Variants in DLG2 observed in about 807,000 individuals in gnomAD.
DLG2 encodes the protein discs large MAGUK scaffold protein 2.
In DLG2, 45 loss-of-function variants were observed where a neutral mutation model predicts 132.5. The ratio of observed to expected loss-of-function variants is 0.34; its 90% CI spans 0.27 to 0.44. The LOEUF (loss-of-function observed/expected upper bound fraction) is 0.44, where lower values mean the gene tolerates loss of function less well. Among genes scored for constraint, DLG2 ranks in the 20% least tolerant of loss-of-function variants. The pLI is 1.00. For synonymous variants in DLG2, 424 were observed against 419.6 expected (o/e 1.01, Z -0.13); for missense variants, 1,045 against 1,196.9 (o/e 0.87, Z 1.87).
intron 15 of DLG2, among the ~76,000 whole-genome samples, chr11:83,884,578 C>T (rs1027667168): frequency 2.0e-5 from 3 of 152,322 alleles, no homozygotes; most frequent in African/African-American, 7.2e-5. Context: ...TGTCGGACAG[C>T]TTTGAAGAGA....
At chr11:84,513,147 AAAT>A (rs146214164) in intron 7 of DLG2, among the ~76,000 whole-genome samples, 12,324 of 152,072 alleles carry the variant, frequency 0.081, 513 homozygotes, top group South Asian at 0.13. Flanking sequence ...ACTTAAAGTA[AAAT>A]AATAATAAAA....
chr11:84,549,881 G>A (rs1268810555), intron 6 of DLG2, among the ~76,000 whole-genome samples: 1 of 152,018 alleles, frequency 6.6e-6, no homozygotes, highest in Non-Finnish European at 1.5e-5. Flanking sequence ...AGACTCCTAA[G>A]TAGCTGAGAT....
intron 15 of DLG2, among the ~76,000 whole-genome samples, chr11:83,912,307 A>AGAT (rs1233746652): frequency 1.3e-5 from 2 of 152,140 alleles, no homozygotes; most frequent in Non-Finnish European, 2.9e-5. Context: ...GTTATCTTTA[A>AGAT]GATGTCTTGT....
chr11:84,850,813 A>T (rs1275089656), intron 6 of DLG2, among the ~76,000 whole-genome samples: 2 of 152,146 alleles, frequency 1.3e-5, no homozygotes, highest in Non-Finnish European at 2.9e-5. Context: ...GAAAGAATAA[A>T]ATATTTAGGA....
chr11:84,375,475 GT>G (rs2098725355), intron 7 of DLG2, among the ~76,000 whole-genome samples: 1 of 151,966 alleles, frequency 6.6e-6, no homozygotes, highest in Non-Finnish European at 1.5e-5. Flanking sequence ...TTTACATTTA[GT>G]TTTTTATACC....
chr11:84,508,843 C>T (rs1239666668), intron 7 of DLG2, among the ~76,000 whole-genome samples: 1 of 152,070 alleles, frequency 6.6e-6, no homozygotes, highest in Non-Finnish European at 1.5e-5. Flanking sequence ...CTGTTTTATT[C>T]ATCATTGTAC....
chr11:84,955,913 G>A (rs1205933471), intron 6 of DLG2, among the ~76,000 whole-genome samples: 1 of 152,050 alleles, frequency 6.6e-6, no homozygotes, highest in African/African-American at 2.4e-5. Flanking sequence ...TGACCTTTGT[G>A]GAAGTACACA....
chr11:85,493,782 A>AGGAG (rs2093614264), intron 3 of DLG2, among the ~76,000 whole-genome samples: 1 of 131,430 alleles, frequency 7.6e-6, no homozygotes, highest in Non-Finnish European at 1.6e-5. Context: ...GAGGGAGGGA[A>AGGAG]GGAGGGAGGA....
chr11:84,009,426 T>A (rs1189105028), intron 11 of DLG2, among the ~76,000 whole-genome samples: 1 of 152,094 alleles, frequency 6.6e-6, no homozygotes, highest in South Asian at 2.1e-4. Flanking sequence ...AATGAGCATA[T>A]TGTATGCTTC....
intron 3 of DLG2, among the ~76,000 whole-genome samples, chr11:85,495,715 C>T (rs2093654851): frequency 6.6e-6 from 1 of 152,164 alleles, no homozygotes; most frequent in Admixed American, 6.5e-5. Context: ...TTGTGGAAGA[C>T]AATGTGGCAA....
chr11:83,907,742 G>A (rs2075291004), intron 15 of DLG2, among the ~76,000 whole-genome samples: 1 of 152,092 alleles, frequency 6.6e-6, no homozygotes, highest in Admixed American at 6.6e-5. Flanking sequence ...TCACACTCAG[G>A]AAATGTGGCA....
At chr11:84,218,786 T>C (rs112704624) in intron 8 of DLG2, among the ~76,000 whole-genome samples, 2 of 152,252 alleles carry the variant, frequency 1.3e-5, no homozygotes, top group Admixed American at 6.5e-5. Flanking sequence ...TACTGAGGAG[T>C]TGGCATTACT....
rs183716426 is a variant in DLG2, at chr11:85,176,990, A to G, written c.187-22339T>C. Among the ~76,000 whole-genome samples the G allele has an allele frequency of 4.7e-3, 715 of 152,172 alleles. 3 individuals carry two copies. The highest frequency in any genetic ancestry group is 0.016 in the African/African-American group (649 of 41,554). ...GGCTTGGTTGTGGAGAAAAAGGGAT[A>G]CTTTACACTGTGGGTGGGAGTATAA... On this transcript the variant is annotated intron_variant, in intron 4 of 27. Coordinates refer to ENST00000376104, the MANE Select transcript of DLG2 (RefSeq NM_001142699.3).
chr11:84,770,863 G>A (rs1452084416), intron 6 of DLG2, among the ~76,000 whole-genome samples: 1 of 151,566 alleles, frequency 6.6e-6, no homozygotes, highest in Non-Finnish European at 1.5e-5. Context: ...TAGCCAGGGT[G>A]GTCTCAATCT....
intron 2 of DLG2, among the ~76,000 whole-genome samples, chr11:85,623,144 AG>A (rs1364521709): frequency 6.6e-6 from 1 of 152,190 alleles, no homozygotes; most frequent in Non-Finnish European, 1.5e-5. Flanking sequence ...CATATAAAAA[AG>A]ATAGGACTTA....
rs532800158 is a variant in DLG2 at position 83,932,320 on chromosome 11, C to T, written c.1341-1837G>A. On this transcript the variant is annotated intron_variant, in intron 14 of 27. Transcript: ENST00000376104. ...CGCAATCTCGGCTCACTGCAAACTCCGCCTCCTGGGTTCACGCCATTCTCC... is the reference window on the plus strand; with the variant it reads ...CGCAATCTCGGCTCACTGCAAACTCTGCCTCCTGGGTTCACGCCATTCTCC... Among the ~76,000 whole-genome samples, 19 of 151,970 alleles carry T rather than the reference C, an allele frequency of 1.3e-4. No homozygotes were observed. In the East Asian group the frequency reaches 1.4e-3, roughly 11 times the overall value.
At chr11:84,779,936 T>G (rs2071412184) in intron 6 of DLG2, among the ~76,000 whole-genome samples, 1 of 150,288 alleles carries the variant, frequency 6.7e-6, no homozygotes, top group Admixed American at 6.6e-5. Context: ...ATTGTGATAT[T>G]CACAACCAAA....
chr11:84,336,681 G>A (rs574773722), intron 7 of DLG2, among the ~76,000 whole-genome samples: 3 of 152,130 alleles, frequency 2.0e-5, no homozygotes, highest in Non-Finnish European at 4.4e-5. Context: ...CACATTAAAT[G>A]GCCAGCATGG....
intron 14 of DLG2, among the ~76,000 whole-genome samples, chr11:83,941,287 T>G (rs1399044497): frequency 7.3e-6 from 1 of 137,922 alleles, no homozygotes; most frequent in Non-Finnish European, 1.7e-5. Context: ...GCTAGTAACC[T>G]GCCTTCCAGC....
Sources: gnomAD v4.1 joint callset for allele counts (sites outside exome capture counted in the v4.1 genomes callset) on GRCh38, gnomAD v4.1.1 for gene constraint, MANE v1.5 for transcripts, NCBI Gene and HGNC (gene_info 2026-07-23, HGNC 2026-07-21) for gene names.